Variants in TBC1D13 observed in about 807,000 individuals in gnomAD.
TBC1D13 encodes the protein TBC1 domain family member 13.
In TBC1D13, 40 loss-of-function variants were observed where a neutral mutation model predicts 53.6. The ratio of observed to expected loss-of-function variants is 0.75; its 90% CI spans 0.58 to 0.97. The LOEUF (loss-of-function observed/expected upper bound fraction) is 0.97. Ranked by LOEUF, TBC1D13 falls within the 50% of genes least tolerant of loss-of-function variation. The probability of loss-of-function intolerance (pLI) is 0.00; values close to 1 mark genes in which losing one functional copy is unlikely to be tolerated. For missense variants in TBC1D13, 377 were observed against 499.4 expected (o/e 0.75, Z 2.34); for synonymous variants, 182 against 197.7 (o/e 0.92, Z 0.67).
At chr9:128,795,873 G>A (rs1450208342) in intron 6 of TBC1D13, among the ~76,000 whole-genome samples, 1 of 151,868 alleles carries the variant, frequency 6.6e-6, no homozygotes, top group East Asian at 1.9e-4. Context: ...GGATTACAGT[G>A]GTGAGCCACT....
chr9:128,802,303 C>G (rs964805267), intron 7 of TBC1D13, among the ~76,000 whole-genome samples: 1 of 152,196 alleles, frequency 6.6e-6, no homozygotes, highest in African/African-American at 2.4e-5. Flanking sequence ...GGTAATCTGC[C>G]CGTCTTGACC....
chr9:128,804,217 C>T, intron 9 of TBC1D13, 98 bp downstream of exon 9: 1 of 1,389,380 alleles, frequency 7.2e-7, no homozygotes. Context: ...GTCTGGGGGT[C>T]AGAAGTAGCT....
chr9:128,794,904 T>C (rs1436550011), intron 6 of TBC1D13, among the ~76,000 whole-genome samples: 1 of 151,736 alleles, frequency 6.6e-6, no homozygotes, highest in Non-Finnish European at 1.5e-5. Flanking sequence ...GATCACATTC[T>C]AGACACCATC....
rs1383838959 is a variant in TBC1D13 at position 128,810,419 on chromosome 9, C to T, written c.*2540C>T. 2 of 152,206 alleles carry T rather than the reference C, an allele frequency of 1.3e-5. No individual in the cohort carries two copies. The highest frequency in any genetic ancestry group is 2.4e-5 in the African/African-American group (1 of 41,414). 9.4% of individuals were successfully genotyped at this position (152,206 alleles called of 1,614,324 possible). On this transcript the variant is annotated 3_prime_UTR_variant, in exon 12 of 12. Transcript: ENST00000372648. ...AGTTGTCTTGAATAAATCATGTGTT[C>T]TTTGCAATGGGCATTGGTGCTGTGA...
At chr9:128,801,059 G>C (rs1829723929) in intron 7 of TBC1D13, among the ~76,000 whole-genome samples, 1 of 152,154 alleles carries the variant, frequency 6.6e-6, no homozygotes, top group Admixed American at 6.6e-5. Context: ...TATAATCTCA[G>C]CTACTTGGGA....
chr9:128,807,057 C>T (rs545588511), intron 11 of TBC1D13, among the ~76,000 whole-genome samples: 1 of 151,986 alleles, frequency 6.6e-6, no homozygotes, highest in African/African-American at 2.4e-5. Context: ...TCAGCTTCTT[C>T]ACCAGCACGT....
chr9:128,803,129 C>T (rs1294280403), intron 7 of TBC1D13, 121 bp from the exon 8 acceptor site: 1 of 827,848 alleles, frequency 1.2e-6, no homozygotes, highest in Admixed American at 2.0e-5. Context: ...TCACGGCTCA[C>T]TGCAGCCTCG....
At chr9:128,796,182 G>A (rs895280427) in intron 6 of TBC1D13, among the ~76,000 whole-genome samples, 8 of 152,118 alleles carry the variant, frequency 5.3e-5, no homozygotes, top group Non-Finnish European at 2.9e-5. Flanking sequence ...CCTCCTCCCA[G>A]GCTCAAGCAA....
intron 1 of TBC1D13, among the ~76,000 whole-genome samples, chr9:128,787,804 CT>C (rs1829456738): frequency 6.6e-6 from 1 of 152,160 alleles, no homozygotes; most frequent in Non-Finnish European, 1.5e-5. Context: ...GCAGCATTGG[CT>C]GAATTTTGCT....
At chr9:128,793,946 T>C (rs1326325148) in intron 6 of TBC1D13, among the ~76,000 whole-genome samples, 3 of 152,190 alleles carry the variant, frequency 2.0e-5, no homozygotes, top group Admixed American at 6.5e-5. Flanking sequence ...GAGCTTCCAG[T>C]GTAAGTCAGG....
intron 8 of TBC1D13, 31 bp from the exon 9 acceptor site, chr9:128,803,925 C>T: frequency 6.2e-7 from 1 of 1,609,914 alleles, no homozygotes. Context: ...CTGGAGTGCG[C>T]CACTTCTGCC....
At position 128,808,012 on chromosome 9, in the gene TBC1D13, C is replaced by T. The variant is rs1829869425; in HGVS notation, c.*133C>T. 7.6e-6 allele frequency: 6 copies of T among 785,796 alleles called. No individual in the cohort carries two copies. Among genetic ancestry groups the T allele is most frequent in the Admixed American group, 2.1e-5 (1 of 48,490 alleles). The allele number at this position is 785,796 out of a possible 1,614,324, so 48.7% of individuals were successfully genotyped here. Reference sequence around the variant, plus strand: ...GATCGGCCCGAGACCCAGGCCATGCCCACTGGGGACACACTGTGCCGTGCT... The same window carrying T: ...GATCGGCCCGAGACCCAGGCCATGCTCACTGGGGACACACTGTGCCGTGCT... On this transcript the variant is annotated 3_prime_UTR_variant, in exon 12 of 12. Coordinates refer to ENST00000372648, the MANE Select transcript of TBC1D13 (RefSeq NM_018201.5).
At chr9:128,805,784 G>C (rs1589576981) in intron 9 of TBC1D13, 75 bp from the exon 10 acceptor site, 2 of 1,506,656 alleles carry the variant, frequency 1.3e-6, no homozygotes, top group East Asian at 4.6e-5. Flanking sequence ...ATTCACTTCT[G>C]ACCCACTGCG....
intron 6 of TBC1D13, among the ~76,000 whole-genome samples, chr9:128,792,863 C>T (rs1483994707): frequency 2.6e-5 from 4 of 152,210 alleles, no homozygotes; most frequent in African/African-American, 9.6e-5. Flanking sequence ...TATTGAGCCC[C>T]TTTTGTGTGC....
chr9:128,807,160 C>T (rs1829851091), intron 11 of TBC1D13, among the ~76,000 whole-genome samples: 1 of 148,740 alleles, frequency 6.7e-6, no homozygotes, highest in South Asian at 2.2e-4. Context: ...AATCTCGGTT[C>T]ACTGCAACCT....
chr9:128,802,923 C>A (rs532846311), intron 7 of TBC1D13, among the ~76,000 whole-genome samples: 1 of 152,110 alleles, frequency 6.6e-6, no homozygotes, highest in South Asian at 2.1e-4. Flanking sequence ...TTTGTAGAGA[C>A]GGGATCTCCC....
At chr9:128,804,157 G>A in intron 9 of TBC1D13, 38 bp downstream of exon 9, 1 of 1,605,384 alleles carries the variant, frequency 6.2e-7, no homozygotes, top group Non-Finnish European at 8.5e-7. Context: ...AAAGGGACAG[G>A]AGGCAGAGAG....
Position 128,788,399 on chromosome 9 carries a change from G to C in TBC1D13, c.89G>C (p.Ser30Thr), listed in dbSNP as rs1829468494. Residue 30 changes from serine (S) to threonine (T), a missense_variant, in exon 2 of 12, where the codon AGC (serine) becomes ACC (threonine). Physicochemically the swap from Ser to Thr is moderately conservative, Grantham distance 58. Coordinates refer to ENST00000372648, the MANE Select transcript of TBC1D13 (RefSeq NM_018201.5). ...SIALEKLREL[S>T]FSGIPCEGGL... ...GCATTGGAAAAGCTGCGGGAACTCA[G>C]CTTTAGTGGTAAGAAGCCATTCTGT... 6.2e-7 allele frequency: 1 copy of C among 1,614,032 alleles called. No homozygotes were observed. Among genetic ancestry groups the C allele is most frequent in the Middle Eastern group, 1.7e-4 (1 of 6,058 alleles).
intron 9 of TBC1D13, among the ~76,000 whole-genome samples, chr9:128,805,140 G>C (rs1829809242): frequency 6.6e-6 from 1 of 152,098 alleles, no homozygotes. Context: ...GAGCCCAGAG[G>C]TTGAGCAACA....
Sources: allele counts gnomAD v4.1 joint callset (sites outside exome capture counted in the v4.1 genomes callset), GRCh38; gene constraint gnomAD v4.1.1; transcripts MANE v1.5; gene names NCBI Gene and HGNC (gene_info 2026-07-23, HGNC 2026-07-21).